The following SYT1 variants were observed in gnomAD, a reference collection of about 807,000 sequenced individuals.
SYT1 encodes the protein synaptotagmin 1.
In SYT1, 8 loss-of-function variants were observed where a neutral mutation model predicts 44.8. The ratio of observed to expected loss-of-function variants is 0.18; its 90% confidence interval spans 0.10 to 0.32. SYT1 has a LOEUF of 0.32. Among genes scored for constraint, SYT1 ranks in the 10% least tolerant of loss-of-function variants. SYT1 has a pLI of 1.00. For synonymous variants in SYT1, 154 were observed against 188.8 expected (o/e 0.82, Z 1.51); for missense variants, 286 against 509.3 (o/e 0.56, Z 4.22).
intron 2 of SYT1, among the ~76,000 whole-genome samples, chr12:79,041,658 T>C (rs1438304250): frequency 2.0e-5 from 3 of 152,054 alleles, no homozygotes; most frequent in Non-Finnish European, 4.4e-5. Context: ...CTTCCAACAC[T>C]ATGTTGAATA....
chr12:79,300,545 GA>G (rs1233784154), intron 8 of SYT1, among the ~76,000 whole-genome samples: 1 of 151,846 alleles, frequency 6.6e-6, no homozygotes, highest in Non-Finnish European at 1.5e-5. Context: ...TGACCAATCT[GA>G]GGCTATGAAC....
intron 9 of SYT1, among the ~76,000 whole-genome samples, chr12:79,421,163 T>A (rs987512560): frequency 9.9e-5 from 15 of 152,240 alleles, no homozygotes; most frequent in Middle Eastern, 3.4e-3. Flanking sequence ...TGCTTTAAAA[T>A]AAATGAATGA....
chr12:79,338,586 CT>C (rs562271383), intron 8 of SYT1, among the ~76,000 whole-genome samples: 21 of 149,194 alleles, frequency 1.4e-4, no homozygotes, highest in East Asian at 3.9e-4. Context: ...TAAAATTTCT[CT>C]TTTTTTTTTC....
intron 3 of SYT1, among the ~76,000 whole-genome samples, chr12:79,199,194 A>G (rs780088730): frequency 6.6e-6 from 1 of 152,082 alleles, no homozygotes; most frequent in Admixed American, 6.6e-5. Context: ...TTCACAACCA[A>G]TTCAATTCAA....
chr12:79,035,372 T>C (rs1037521838), intron 2 of SYT1, among the ~76,000 whole-genome samples: 1 of 151,750 alleles, frequency 6.6e-6, no homozygotes, highest in Non-Finnish European at 1.5e-5. Flanking sequence ...TCCATCCTTA[T>C]AGGAAATGTG....
chr12:78,943,260 T>A lies in SYT1; in HGVS notation c.-216-34539T>A, dbSNP rs558604430. Among the ~76,000 whole-genome samples, 62 of 152,248 alleles carry A rather than the reference T, an allele frequency of 4.1e-4. No homozygotes were observed. The South Asian group carries it at 0.012, about 30-fold the overall frequency. ...AAGAAGAACCTGATAGTGGGTAATT[T>A]ATAAAGAAAAGAATTTAATAGGTTC... On this transcript the variant is annotated intron_variant, in intron 1 of 10. Transcript: ENST00000261205.
intron 3 of SYT1, among the ~76,000 whole-genome samples, chr12:79,116,591 C>T (rs1879291805): frequency 6.6e-6 from 1 of 152,172 alleles, no homozygotes; most frequent in African/African-American, 2.4e-5. Flanking sequence ...ATTTCAAAGT[C>T]CAAAGTGAAT....
At chr12:79,401,254 C>A (rs1397613174) in intron 9 of SYT1, among the ~76,000 whole-genome samples, 3 of 152,132 alleles carry the variant, frequency 2.0e-5, no homozygotes, top group Non-Finnish European at 2.9e-5. Flanking sequence ...TAAGGCCAGG[C>A]ACAATGACTC....
At chr12:79,415,476 C>T (rs17005588) in intron 9 of SYT1, among the ~76,000 whole-genome samples, 20,794 of 152,132 alleles carry the variant, frequency 0.14, 1,862 homozygotes, top group Middle Eastern at 0.34. Flanking sequence ...AAGGAATGTG[C>T]TGGAAAGTGG....
At chr12:79,352,480 G>A (rs963401360) in intron 8 of SYT1, among the ~76,000 whole-genome samples, 3 of 151,984 alleles carry the variant, frequency 2.0e-5, no homozygotes, top group Non-Finnish European at 2.9e-5. Flanking sequence ...GTCTTGATTT[G>A]CCATATAGCT....
chr12:79,047,911 G>A (rs1018769016), intron 3 of SYT1, among the ~76,000 whole-genome samples: 2 of 151,748 alleles, frequency 1.3e-5, no homozygotes, highest in South Asian at 4.1e-4. Flanking sequence ...GCTATTGTTT[G>A]ATGATAATAT....
At chr12:79,274,233 G>A (rs1425565138) in intron 4 of SYT1, among the ~76,000 whole-genome samples, 1 of 152,200 alleles carries the variant, frequency 6.6e-6, no homozygotes, top group Non-Finnish European at 1.5e-5. Context: ...TGCTTTGCGG[G>A]TCAATCCAGG....
intron 3 of SYT1, among the ~76,000 whole-genome samples, chr12:79,179,474 TATAGAGATATAGATATATCTATATAG>T (rs1872328250): frequency 9.5e-6 from 1 of 104,850 alleles, no homozygotes; most frequent in African/African-American, 4.2e-5. Flanking sequence ...TAGATATAGA[TATAGAGATATAGATATATCTATATAG>T]ATATAGATAT....
chr12:79,399,002 G>A (rs889387980), intron 9 of SYT1, among the ~76,000 whole-genome samples: 3 of 152,152 alleles, frequency 2.0e-5, no homozygotes, highest in Non-Finnish European at 4.4e-5. Flanking sequence ...AATAAATCAT[G>A]TAGTCTCAGA....
At chr12:78,880,219 G>C (rs901881055) in intron 1 of SYT1, among the ~76,000 whole-genome samples, 1 of 151,654 alleles carries the variant, frequency 6.6e-6, no homozygotes, top group African/African-American at 2.4e-5. Flanking sequence ...ATAGTAATTA[G>C]TCATTACATT....
At chr12:79,223,696 G>C (rs759600491) in intron 4 of SYT1, among the ~76,000 whole-genome samples, 1 of 152,164 alleles carries the variant, frequency 6.6e-6, no homozygotes, top group Non-Finnish European at 1.5e-5. Context: ...TACCAACCCA[G>C]TGGCGATACA....
chr12:78,975,930 T>A (rs973292923), intron 1 of SYT1, among the ~76,000 whole-genome samples: 1 of 152,154 alleles, frequency 6.6e-6, no homozygotes, highest in African/African-American at 2.4e-5. Context: ...CATTAAATAA[T>A]CCCAGATAGC....
intron 3 of SYT1, among the ~76,000 whole-genome samples, chr12:79,183,357 T>C (rs1872644085): frequency 6.6e-6 from 1 of 152,026 alleles, no homozygotes. Context: ...GGTTCATCTT[T>C]GCCAGTGGTT....
In SYT1 at chr12:79,432,543, T is replaced by C. The variant is rs113215392; in HGVS notation, c.929-11530T>C. ...CATTGTTCATCCTCTTCCAAGTCCA[T>C]AGGCTCAACAAAGTCACTTAAGGTT... On this transcript the variant is annotated intron_variant, in intron 9 of 10. Coordinates refer to ENST00000261205, the MANE Select transcript of SYT1 (RefSeq NM_005639.3). Among the ~76,000 whole-genome samples the C allele has an allele frequency of 7.1e-3, 1,088 of 152,210 alleles. 8 individuals carry two copies. The highest frequency in any genetic ancestry group is 0.02 in the Middle Eastern group (6 of 294).
Sources: gnomAD v4.1 joint callset for allele counts (sites outside exome capture counted in the v4.1 genomes callset) on GRCh38, gnomAD v4.1.1 for gene constraint, MANE v1.5 for transcripts, NCBI Gene and HGNC (gene_info 2026-07-23, HGNC 2026-07-21) for gene names.